NHERF1: variants seen among roughly 807,000 people sequenced by gnomAD.
NHERF1 encodes Na(+)/H(+) exchange regulatory cofactor NHE-RF1.
At chr17:74,750,935 T>A in the NHERF1 span, among the ~76,000 whole-genome samples, 1 of 152,062 alleles carries the variant, frequency 6.6e-6, no homozygotes, top group Non-Finnish European at 1.5e-5. Context: ...AGACTCAGAT[T>A]CCTGCATGTT....
chr17:74,755,434 C>T, the NHERF1 span, among the ~76,000 whole-genome samples: 124 of 152,312 alleles, frequency 8.1e-4, 1 homozygote, highest in African/African-American at 2.6e-3. Flanking sequence ...CGAAGCCTTC[C>T]CCTCATGGTA....
the NHERF1 span, chr17:74,767,902 C>T: frequency 1.6e-6 from 1 of 629,208 alleles, no homozygotes; most frequent in Non-Finnish European, 3.0e-6. Context: ...CAGCTAATCC[C>T]ATGATGGTCT....
chr17:74,760,240 A>G, the NHERF1 span, among the ~76,000 whole-genome samples: 1 of 152,266 alleles, frequency 6.6e-6, no homozygotes, highest in East Asian at 1.9e-4. This position sits in a 1 kb window ranked among gnomAD's most constrained non-coding sequence, Gnocchi z 4.5. Context: ...AGCCTGGGGC[A>G]GGTGACAGCC....
At chr17:74,752,214 C>T in the NHERF1 span, among the ~76,000 whole-genome samples, 1 of 152,034 alleles carries the variant, frequency 6.6e-6, no homozygotes, top group African/African-American at 2.4e-5. Context: ...GTGGGAGGAT[C>T]GCCTGAGCCC....
At chr17:74,761,314 G>A in the NHERF1 span, among the ~76,000 whole-genome samples, 7 of 152,196 alleles carry the variant, frequency 4.6e-5, no homozygotes, top group African/African-American at 7.2e-5. This position sits in a 1 kb window ranked among gnomAD's most constrained non-coding sequence, Gnocchi z 4.3. Flanking sequence ...CTTGGGCAGC[G>A]GTGTCGGGGG....
the NHERF1 span, among the ~76,000 whole-genome samples, chr17:74,750,057 A>G: frequency 6.6e-6 from 1 of 152,186 alleles, no homozygotes; most frequent in Admixed American, 6.5e-5. Flanking sequence ...AAGAAGAAAA[A>G]GATGGCCATG....
the NHERF1 span, chr17:74,768,452 C>T: frequency 1.9e-6 from 3 of 1,613,960 alleles, no homozygotes; most frequent in Non-Finnish European, 2.5e-6. Context: ...CTTCCTGCCC[C>T]CACTTCTCTT....
chr17:74,756,306 C>G, the NHERF1 span, among the ~76,000 whole-genome samples: 3 of 83,066 alleles, frequency 3.6e-5, no homozygotes, highest in African/African-American at 1.4e-4. Context: ...TGAGACGGAG[C>G]CTTGCTCTAT....
chr17:74,755,385 C>T, the NHERF1 span, among the ~76,000 whole-genome samples: 4 of 152,180 alleles, frequency 2.6e-5, no homozygotes, highest in Admixed American at 6.5e-5. Context: ...CCAGAACCTG[C>T]ACAGAGAGCC....
At chr17:74,764,762 G>A in the NHERF1 span, among the ~76,000 whole-genome samples, 3 of 152,274 alleles carry the variant, frequency 2.0e-5, no homozygotes, top group Admixed American at 6.5e-5. The surrounding 1 kb of genome is among the most constrained non-coding windows in gnomAD (Gnocchi z 4.9). Flanking sequence ...TCCCCTCCCC[G>A]CAGTCCCTCC....
the NHERF1 span, among the ~76,000 whole-genome samples, chr17:74,750,958 C>T: frequency 6.6e-6 from 1 of 152,076 alleles, no homozygotes; most frequent in African/African-American, 2.4e-5. Flanking sequence ...GGAGGGACAC[C>T]TACATTTGTG....
chr17:74,755,292 G>A, the NHERF1 span, among the ~76,000 whole-genome samples: 1 of 152,168 alleles, frequency 6.6e-6, no homozygotes. Flanking sequence ...TAAGTGGCAG[G>A]CTCCTGTCCC....
At chr17:74,759,073 C>G in the NHERF1 span, among the ~76,000 whole-genome samples, 1 of 152,190 alleles carries the variant, frequency 6.6e-6, no homozygotes, top group Non-Finnish European at 1.5e-5. Flanking sequence ...TGGGAACCCC[C>G]CTTCCCATGT....
the NHERF1 span, among the ~76,000 whole-genome samples, chr17:74,765,712 C>T: frequency 3.3e-5 from 5 of 151,934 alleles, no homozygotes; most frequent in African/African-American, 1.2e-4. Context: ...CCACCATGCC[C>T]GGCTAATTTT....
chr17:74,749,002 G>A, the NHERF1 span: 1 of 1,609,568 alleles, frequency 6.2e-7, no homozygotes, highest in East Asian at 2.2e-5. This position sits in a 1 kb window ranked among gnomAD's most constrained non-coding sequence, Gnocchi z 5.6. Context: ...AGAAGGCGGG[G>A]CTGCTGGCGG....
the NHERF1 span, chr17:74,749,329 G>A: frequency 4.1e-6 from 6 of 1,480,890 alleles, no homozygotes; most frequent in Admixed American, 2.3e-5. The surrounding 1 kb of genome is among the most constrained non-coding windows in gnomAD (Gnocchi z 5.6). Flanking sequence ...TGGAGTGGGA[G>A]GAGGATCCGG....
At chr17:74,768,867 G>A in the NHERF1 span, 1 of 578,310 alleles carries the variant, frequency 1.7e-6, no homozygotes, top group South Asian at 2.0e-5. Flanking sequence ...AGGAGACTCT[G>A]CCTCCCTCCT....
the NHERF1 span, among the ~76,000 whole-genome samples, chr17:74,751,711 TC>T: frequency 1.3e-5 from 2 of 152,184 alleles, no homozygotes; most frequent in African/African-American, 4.8e-5. The surrounding 1 kb of genome is among the most constrained non-coding windows in gnomAD (Gnocchi z 4.3). Flanking sequence ...GCCCTGCTGT[TC>T]CCCTGCTTAA....
chr17:74,758,867 A>G, the NHERF1 span, among the ~76,000 whole-genome samples: 1 of 151,998 alleles, frequency 6.6e-6, no homozygotes, highest in South Asian at 2.1e-4. The surrounding 1 kb of genome is among the most constrained non-coding windows in gnomAD (Gnocchi z 4.3). Context: ...GGGCCTGGAG[A>G]CCACAGGCCA....
Sources: allele counts gnomAD v4.1 joint callset (sites outside exome capture counted in the v4.1 genomes callset), GRCh38; gene constraint gnomAD v4.1.1; non-coding constraint Gnocchi (gnomAD v3.1); transcripts MANE v1.5; gene names NCBI Gene and HGNC (gene_info 2026-07-23, HGNC 2026-07-21).